AUH: variants seen among roughly 807,000 people sequenced by gnomAD.
AUH encodes the protein AU RNA binding methylglutaconyl-CoA hydratase.
Under a neutral mutation model 42.3 loss-of-function variants are expected in AUH, and 29 were observed. The observed-to-expected ratio is 0.69, with a 90% CI of 0.51 to 0.93. The LOEUF is 0.93. Among genes scored for constraint, AUH ranks in the 40% least tolerant of loss-of-function variants. The pLI is 0.00. For missense variants in AUH, 452 were observed against 438.1 expected (o/e 1.03, Z -0.28); for synonymous variants, 174 against 166.4 (o/e 1.05, Z -0.35).
At chr9:91,304,715 T>C (rs1474415254) in intron 4 of AUH, among the ~76,000 whole-genome samples, 1 of 152,230 alleles carries the variant, frequency 6.6e-6, no homozygotes, top group East Asian at 1.9e-4. Context: ...CAAATTAGCA[T>C]TGTAGAAAGC....
At chr9:91,312,109 T>A (rs915580072) in intron 4 of AUH, among the ~76,000 whole-genome samples, 1 of 152,148 alleles carries the variant, frequency 6.6e-6, no homozygotes, top group Non-Finnish European at 1.5e-5. Flanking sequence ...TAAAGTAAAT[T>A]TAGTGACTCT....
At chr9:91,336,488 G>GCTGA (rs1339238212) in intron 3 of AUH, among the ~76,000 whole-genome samples, 1 of 151,912 alleles carries the variant, frequency 6.6e-6, no homozygotes. Context: ...AAATAAGCTG[G>GCTGA]GCGTGATGGT....
intron 6 of AUH, among the ~76,000 whole-genome samples, chr9:91,253,251 G>A (rs1010740306): frequency 6.6e-6 from 1 of 152,050 alleles, no homozygotes; most frequent in African/African-American, 2.4e-5. Context: ...CACAGATTAG[G>A]GCTTTCTACA....
chr9:91,280,461 G>C (rs937717952), intron 6 of AUH, among the ~76,000 whole-genome samples: 1 of 151,954 alleles, frequency 6.6e-6, no homozygotes, highest in African/African-American at 2.4e-5. Context: ...TTAAAAATGA[G>C]AGCAATAAAC....
Position 91,289,002 on chromosome 9 carries a change from T to C in AUH, c.655+7019A>G, listed in dbSNP as rs188473464. Among the ~76,000 whole-genome samples the C allele has an allele frequency of 2.6e-5, 4 of 152,266 alleles. No homozygotes were observed. In the East Asian group the frequency reaches 7.7e-4, roughly 29 times the overall value. On this transcript the variant is annotated intron_variant, in intron 6 of 9. Coordinates refer to ENST00000375731, the MANE Select transcript of AUH (RefSeq NM_001698.3). Reference sequence around the variant, plus strand: ...GAAAACAAAACAAAACAAAACACTATTTTTTGACAAATTGTTTTGCTGTGA... The same window carrying C: ...GAAAACAAAACAAAACAAAACACTACTTTTTGACAAATTGTTTTGCTGTGA...
intron 6 of AUH, among the ~76,000 whole-genome samples, chr9:91,293,950 C>T (rs1827113197): frequency 6.6e-6 from 1 of 152,204 alleles, no homozygotes; most frequent in African/African-American, 2.4e-5. Context: ...CATTCCCAAA[C>T]TTCTAGAGCC....
At chr9:91,332,135 A>G (rs967015591) in intron 3 of AUH, among the ~76,000 whole-genome samples, 1 of 152,250 alleles carries the variant, frequency 6.6e-6, no homozygotes, top group South Asian at 2.1e-4. Context: ...CTCATATGCC[A>G]TTTTCAATGA....
intron 3 of AUH, among the ~76,000 whole-genome samples, chr9:91,343,389 C>G (rs1183206941): frequency 2.0e-5 from 3 of 152,146 alleles, no homozygotes; most frequent in Non-Finnish European, 1.5e-5. Context: ...CCAAAAGCCA[C>G]TTATTTGAAA....
chr9:91,236,677 G>C (rs1160633896), intron 6 of AUH, among the ~76,000 whole-genome samples: 1 of 152,096 alleles, frequency 6.6e-6, no homozygotes, highest in Non-Finnish European at 1.5e-5. Context: ...GGGGTGACTG[G>C]GCTGAATGGG....
chr9:91,292,124 C>T (rs1261134571), intron 6 of AUH, among the ~76,000 whole-genome samples: 2 of 152,068 alleles, frequency 1.3e-5, no homozygotes, highest in African/African-American at 4.8e-5. Flanking sequence ...TCTTAAACGG[C>T]TCTTTCAAGA....
chr9:91,312,043 A>G (rs1415046372), intron 4 of AUH, among the ~76,000 whole-genome samples: 2 of 151,938 alleles, frequency 1.3e-5, no homozygotes, highest in African/African-American at 4.8e-5. Context: ...AAAGAACTCA[A>G]TTTTATTCTA....
chr9:91,230,746 TTC>T (rs1468228244), intron 6 of AUH, among the ~76,000 whole-genome samples: 8 of 152,194 alleles, frequency 5.3e-5, no homozygotes, highest in African/African-American at 1.7e-4. Context: ...TGGATGTCCT[TTC>T]TGTTTGTTAG....
intron 3 of AUH, among the ~76,000 whole-genome samples, chr9:91,333,622 G>A (rs567836546): frequency 8.5e-5 from 13 of 152,106 alleles, no homozygotes; most frequent in Non-Finnish European, 1.6e-4. Flanking sequence ...GCTAGAGTGA[G>A]GCAGGATTTA....
At chr9:91,308,905 C>T (rs1409866264) in intron 4 of AUH, among the ~76,000 whole-genome samples, 10 of 151,574 alleles carry the variant, frequency 6.6e-5, no homozygotes, top group Admixed American at 5.9e-4. Flanking sequence ...ATTCTCCTGC[C>T]TCAGCCTTCC....
At chr9:91,285,368 G>C (rs1374849512) in intron 6 of AUH, among the ~76,000 whole-genome samples, 2 of 151,906 alleles carry the variant, frequency 1.3e-5, no homozygotes, top group African/African-American at 4.8e-5. Flanking sequence ...TAAATGACAA[G>C]TTAATGGGTG....
intron 6 of AUH, among the ~76,000 whole-genome samples, chr9:91,247,336 C>T (rs962613530): frequency 2.0e-5 from 3 of 152,182 alleles, no homozygotes; most frequent in South Asian, 2.1e-4. Context: ...CACCATTCCC[C>T]TTCCCTGCCT....
At chr9:91,252,460 C>G (rs758110061) in intron 6 of AUH, among the ~76,000 whole-genome samples, 1 of 152,136 alleles carries the variant, frequency 6.6e-6, no homozygotes, top group Non-Finnish European at 1.5e-5. Context: ...CACATAAATT[C>G]TCTGAGGTGG....
chr9:91,326,430 G>A (rs1442546919), intron 3 of AUH, among the ~76,000 whole-genome samples: 1 of 151,996 alleles, frequency 6.6e-6, no homozygotes, highest in Admixed American at 6.6e-5. Context: ...CAAAAAAATG[G>A]ATATAACCTA....
At chr9:91,287,172 G>A (rs1196153010) in intron 6 of AUH, among the ~76,000 whole-genome samples, 1 of 152,074 alleles carries the variant, frequency 6.6e-6, no homozygotes, top group Non-Finnish European at 1.5e-5. Context: ...GGGACATCAT[G>A]CAACCCCAAT....
Sources: gnomAD v4.1 joint callset for allele counts (sites outside exome capture counted in the v4.1 genomes callset) on GRCh38, gnomAD v4.1.1 for gene constraint, MANE v1.5 for transcripts, NCBI Gene and HGNC (gene_info 2026-07-23, HGNC 2026-07-21) for gene names.